The following SRPRB variants were observed in gnomAD, a reference collection of about 807,000 sequenced individuals.
SRPRB encodes the protein signal recognition particle receptor subunit beta.
In SRPRB, 20 loss-of-function variants were observed where a neutral mutation model predicts 31.9. The observed-to-expected ratio is 0.63, with a 90% CI of 0.44 to 0.91. SRPRB has a LOEUF of 0.91. Among genes scored for constraint, SRPRB ranks in the 40% least tolerant of loss-of-function variants. The pLI, the probability that SRPRB is intolerant of heterozygous loss-of-function variation, is 0.00. For missense variants in SRPRB, 321 were observed against 324.9 expected, an observed-to-expected ratio of 0.99 and a Z score of 0.09; for synonymous variants, 146 against 132.8, an observed-to-expected ratio of 1.10 and a Z score of -0.68.
At chr3:133,801,771 A>G (rs531925409), upstream of SRPRB, among the ~76,000 whole-genome samples, 1 of 152,350 alleles carries the variant, frequency 6.6e-6, no homozygotes, top group African/African-American at 2.4e-5. Context: ...GGTTAGGACC[A>G]TAAGAAATAA....
intron 3 of SRPRB, among the ~76,000 whole-genome samples, chr3:133,808,398 C>A (rs1350149590): frequency 6.6e-6 from 1 of 151,870 alleles, no homozygotes; most frequent in East Asian, 1.9e-4. Flanking sequence ...TCTTATTGTC[C>A]TACATTTGTA....
At chr3:133,814,028 A>T (rs979795450) in intron 4 of SRPRB, among the ~76,000 whole-genome samples, 2 of 152,124 alleles carry the variant, frequency 1.3e-5, no homozygotes, top group Non-Finnish European at 2.9e-5. Context: ...TTTAAGTTGT[A>T]GGCTTTGTGC....
At chr3:133,784,297 T>G (rs1453844823) in intron 1 of SRPRB, 2 of 152,066 alleles carry the variant, frequency 1.3e-5, no homozygotes, top group Non-Finnish European at 2.9e-5. Flanking sequence ...TTAGGAAGAT[T>G]ACTGGCTGTT....
intron 1 of SRPRB, chr3:133,784,186 C>T (rs535435409): frequency 6.6e-6 from 1 of 152,394 alleles, no homozygotes; most frequent in Non-Finnish European, 1.5e-5. Flanking sequence ...GGTTAGCGGC[C>T]ATCGCCCAGC....
intron 1 of SRPRB, chr3:133,787,607 G>A (rs927436993): frequency 6.6e-6 from 1 of 152,258 alleles, no homozygotes; most frequent in South Asian, 2.1e-4. Context: ...TTTGCAAGTG[G>A]GATTGTTAAA....
downstream of SRPRB, among the ~76,000 whole-genome samples, chr3:133,823,889 C>T (rs146534496): frequency 1.3e-5 from 2 of 152,170 alleles, no homozygotes; most frequent in Non-Finnish European, 2.9e-5. Flanking sequence ...CCCTCTCCCC[C>T]CTTCCTAATC....
At chr3:133,822,242 G>A (rs1935485455), downstream of SRPRB, among the ~76,000 whole-genome samples, 1 of 151,908 alleles carries the variant, frequency 6.6e-6, no homozygotes, top group Non-Finnish European at 1.5e-5. Context: ...GCAGTGTATG[G>A]ACACCGAGAC....
rs1337492649 is a variant in SRPRB at position 133,820,100 on chromosome 3, AAAAGTTTTC to A, written c.*335_*343del. 1.3e-5 allele frequency: 3 copies of A among 225,848 alleles called. No individual in the cohort carries two copies. The highest frequency in any genetic ancestry group is 9.3e-5 in the East Asian group (1 of 10,768). The allele number at this position is 225,848 out of a possible 1,614,324, so 14.0% of individuals were successfully genotyped here. The stretch of plus-strand genomic sequence containing the variant: ...ATGATGAGAATATGGCCATCACCTG[AAAAGTTTTC>A]TTATCTTCTGTGCTTTTGGTCCCTG... On this transcript the variant is annotated 3_prime_UTR_variant, in exon 7 of 7. Transcript: ENST00000678299.
intron 1 of SRPRB, 21 bp downstream of exon 1, chr3:133,806,023 A>C: frequency 1.9e-6 from 3 of 1,609,480 alleles, no homozygotes; most frequent in Non-Finnish European, 2.5e-6. Flanking sequence ...GCCGGTGGTC[A>C]TGGCGGGTTT....
Position 133,819,946 on chromosome 3 carries a change from G to C in SRPRB, c.*180G>C. On this transcript the variant is annotated 3_prime_UTR_variant, in exon 7 of 7. Coordinates refer to ENST00000678299, the MANE Select transcript of SRPRB (RefSeq NM_001379313.1). ...TTTTTTTTTTTTTTTTTTAAGTTCAGTTCTCCCTTATGGCTGCCTTTCAAA... is the reference window on the plus strand; with the variant it reads ...TTTTTTTTTTTTTTTTTTAAGTTCACTTCTCCCTTATGGCTGCCTTTCAAA... 5.1e-6 allele frequency: 3 copies of C among 585,400 alleles called. No individual in the cohort carries two copies. The highest frequency in any genetic ancestry group is 2.1e-5 in the South Asian group (1 of 47,628). The allele number at this position is 585,400 out of a possible 1,614,324, so 36.3% of individuals were successfully genotyped here.
At chr3:133,798,915 T>TA (rs1347184221) in intron 1 of SRPRB, among the ~76,000 whole-genome samples, 1 of 151,850 alleles carries the variant, frequency 6.6e-6, no homozygotes, top group Non-Finnish European at 1.5e-5. Context: ...AACATTGTGA[T>TA]AAAAAATAGG....
downstream of SRPRB, chr3:133,825,558 G>GCA (rs1935547381): frequency 6.6e-6 from 1 of 152,236 alleles, no homozygotes; most frequent in Non-Finnish European, 1.5e-5. Flanking sequence ...CACAACTGCA[G>GCA]CCATGGTGCT....
downstream of SRPRB, among the ~76,000 whole-genome samples, chr3:133,822,302 G>A (rs1002930016): frequency 1.3e-5 from 2 of 151,962 alleles, no homozygotes; most frequent in African/African-American, 4.8e-5. Context: ...CCCTGCTAAG[G>A]CTGCAGTGAG....
Position 133,805,976 on chromosome 3 carries a change from CG to C in SRPRB, c.130del (p.Val44PhefsTer6). On this transcript the variant is annotated frameshift_variant, in exon 1 of 7. Coordinates refer to ENST00000678299, the MANE Select transcript of SRPRB (RefSeq NM_001379313.1). LOFTEE classifies it high-confidence loss of function. ...CCAACGCTGTTGTCAGTAGTGGTGGCGGTTCTTGCGGTGCTGCTGACGCTAG... is the reference window on the plus strand; with the variant it reads ...CCAACGCTGTTGTCAGTAGTGGTGGCGTTCTTGCGGTGCTGCTGACGCTAG... The part of the protein sequence containing the change: ...TDPTLLSVVV[A>X]VLAVLLTLVF... The C allele has an allele frequency of 6.2e-7, 1 of 1,612,848 alleles. No homozygotes were observed. Among genetic ancestry groups the C allele is most frequent in the Non-Finnish European group, 8.5e-7 (1 of 1,179,314 alleles).
intron 4 of SRPRB, among the ~76,000 whole-genome samples, chr3:133,814,594 A>G (rs905160601): frequency 6.6e-6 from 1 of 151,948 alleles, no homozygotes; most frequent in Non-Finnish European, 1.5e-5. Flanking sequence ...TCCCGCCACC[A>G]TATCTGGCTA....
intron 1 of SRPRB, chr3:133,788,433 T>C (rs933811583): frequency 2.0e-5 from 3 of 152,242 alleles, no homozygotes; most frequent in African/African-American, 7.2e-5. Context: ...TCTCCCACCC[T>C]GTGGAGCGTA....
Position 133,816,937 on chromosome 3 carries a change from G to A in SRPRB, c.602+5G>A. The A allele has an allele frequency of 6.2e-7, 1 of 1,608,830 alleles. No individual in the cohort carries two copies. Reference sequence around the variant, plus strand: ...ACAGCAGCTGGAGAAAGAACTGTAAGTGTGAAAGAGGCCTGTTGGTTAATT... The same window carrying A: ...ACAGCAGCTGGAGAAAGAACTGTAAATGTGAAAGAGGCCTGTTGGTTAATT... On this transcript the variant is annotated splice_donor_5th_base_variant and intron_variant, in intron 6 of 6. Transcript: ENST00000678299.
upstream of SRPRB, among the ~76,000 whole-genome samples, chr3:133,801,441 G>A (rs1172061279): frequency 6.6e-6 from 1 of 152,190 alleles, no homozygotes; most frequent in Admixed American, 6.5e-5. Context: ...CTCACTGAGT[G>A]TGGGAGCTGT....
chr3:133,796,703 G>T (rs1055007699), intron 1 of SRPRB: 1 of 152,120 alleles, frequency 6.6e-6, no homozygotes, highest in Non-Finnish European at 1.5e-5. Flanking sequence ...CAAGAACCTG[G>T]ACACCCTCCA....
Sources: gnomAD v4.1 joint callset for allele counts (sites outside exome capture counted in the v4.1 genomes callset) on GRCh38, gnomAD v4.1.1 for gene constraint, MANE v1.5 for transcripts, NCBI Gene and HGNC (gene_info 2026-07-23, HGNC 2026-07-21) for gene names.